Variants in IQCJ observed in about 807,000 individuals in gnomAD.
IQCJ encodes IQ domain-containing protein J.
In IQCJ, 9 loss-of-function variants were observed where a neutral mutation model predicts 11.0. The observed-to-expected ratio is 0.82, with a 90% confidence interval of 0.49 to 1.43. IQCJ has a LOEUF of 1.43. Among genes scored for constraint, IQCJ ranks in the 40% most tolerant of loss-of-function variants. The pLI, the probability that IQCJ is intolerant of heterozygous loss-of-function variation, is 0.00. For missense variants in IQCJ, 146 were observed against 133.2 expected (o/e 1.10, Z -0.47); for synonymous variants, 55 against 51.3 (o/e 1.07, Z -0.31).
intron 1 of IQCJ, among the ~76,000 whole-genome samples, chr3:159,133,625 G>A (rs879475854): frequency 3.3e-5 from 5 of 152,134 alleles, no homozygotes; most frequent in Non-Finnish European, 7.4e-5. Context: ...GGGCTTAAAC[G>A]TGTGCAGAGG....
intron 1 of IQCJ, among the ~76,000 whole-genome samples, chr3:159,077,898 C>T (rs1716038107): frequency 6.6e-6 from 1 of 151,990 alleles, no homozygotes; most frequent in Admixed American, 6.6e-5. Flanking sequence ...GTCCTTCTTG[C>T]AAATGTAATC....
chr3:159,203,611 C>A (rs1724477587), intron 1 of IQCJ, among the ~76,000 whole-genome samples: 2 of 151,974 alleles, frequency 1.3e-5, no homozygotes, highest in African/African-American at 4.8e-5. Context: ...TGGATTGTAG[C>A]TGAAAAGAGA....
At chr3:159,136,054 C>G (rs1720272048) in intron 1 of IQCJ, among the ~76,000 whole-genome samples, 1 of 152,140 alleles carries the variant, frequency 6.6e-6, no homozygotes. Flanking sequence ...AAGTAGATTG[C>G]TCAAGACAAC....
intron 1 of IQCJ, among the ~76,000 whole-genome samples, chr3:159,086,298 C>T (rs572795172): frequency 1.5e-3 from 231 of 152,224 alleles, no homozygotes; most frequent in African/African-American, 5.4e-3. Context: ...GTACCAGTAC[C>T]ATGCTGTTTT....
chr3:159,141,181 A>T (rs1720582907), intron 1 of IQCJ, among the ~76,000 whole-genome samples: 2 of 152,180 alleles, frequency 1.3e-5, no homozygotes, highest in African/African-American at 2.4e-5. Flanking sequence ...GAGTGCATTT[A>T]AAAAAGGTGA....
chr3:159,189,316 T>TGGGGAGAA (rs1361672654), intron 1 of IQCJ, among the ~76,000 whole-genome samples: 1 of 152,218 alleles, frequency 6.6e-6, no homozygotes, highest in Non-Finnish European at 1.5e-5. Context: ...CCTTTGAGGC[T>TGGGGAGAA]GGGGACAAGG....
chr3:159,239,288 A>C (rs1185743820), intron 1 of IQCJ, among the ~76,000 whole-genome samples: 1 of 152,200 alleles, frequency 6.6e-6, no homozygotes, highest in East Asian at 1.9e-4. Flanking sequence ...CTTGTTAGTC[A>C]TTGACCTTAT....
chr3:159,070,108 G>A (rs1715460833), intron 1 of IQCJ: 1 of 168,344 alleles, frequency 5.9e-6, no homozygotes, highest in Non-Finnish European at 1.3e-5. Context: ...TGAATAATAA[G>A]TAGATGGGGT....
At chr3:159,122,638 A>G (rs1291214866) in intron 1 of IQCJ, among the ~76,000 whole-genome samples, 1 of 152,054 alleles carries the variant, frequency 6.6e-6, no homozygotes, top group Admixed American at 6.6e-5. Flanking sequence ...TATGATTTTT[A>G]TCTTAAGCTG....
rs373030886 is a variant in IQCJ, at chr3:159,150,583, A to AACACACACACACACACACAC, written c.9+81156_9+81175dup. ...CAATAGCATATGTTGCATTGTCCCC[A>AACACACACACACACACACAC]ACACACACACACACACACACACACA... On this transcript the variant is annotated intron_variant, in intron 1 of 3. Transcript: ENST00000397832. Among the ~76,000 whole-genome samples the AACACACACACACACACACAC allele has an allele frequency of 1.7e-3, 246 of 146,166 alleles. 1 individual carries two copies. Among genetic ancestry groups the AACACACACACACACACACAC allele is most frequent in the African/African-American group, 6.1e-3 (238 of 39,278 alleles).
At chr3:159,109,947 C>A (rs1192889044) in intron 1 of IQCJ, among the ~76,000 whole-genome samples, 2 of 152,176 alleles carry the variant, frequency 1.3e-5, no homozygotes, top group African/African-American at 4.8e-5. Context: ...GAGCATCACT[C>A]CTAACTTTTG....
intron 1 of IQCJ, among the ~76,000 whole-genome samples, chr3:159,236,234 T>C (rs1450868907): frequency 7.2e-6 from 1 of 138,884 alleles, no homozygotes; most frequent in Non-Finnish European, 1.5e-5. Context: ...AAAACATTAA[T>C]GCATAATACA....
intron 1 of IQCJ, among the ~76,000 whole-genome samples, chr3:159,187,131 A>G (rs1268302139): frequency 6.6e-6 from 1 of 152,230 alleles, no homozygotes; most frequent in Non-Finnish European, 1.5e-5. Flanking sequence ...CATTTTCAGC[A>G]TTTATTTTAT....
chr3:159,260,723 G>A (rs751649231), intron 3 of IQCJ, among the ~76,000 whole-genome samples: 54 of 152,160 alleles, frequency 3.5e-4, no homozygotes, highest in South Asian at 1.9e-3. Context: ...GCAAGATTTC[G>A]TAATAAAACA....
intron 1 of IQCJ, among the ~76,000 whole-genome samples, chr3:159,206,692 C>T (rs1175925515): frequency 5.3e-5 from 8 of 152,126 alleles, no homozygotes; most frequent in Non-Finnish European, 5.9e-5. Flanking sequence ...TTCCCAAGAC[C>T]TAATTCTTAA....
chr3:159,084,151 G>A (rs1716530319), intron 1 of IQCJ, among the ~76,000 whole-genome samples: 1 of 151,816 alleles, frequency 6.6e-6, no homozygotes, highest in Non-Finnish European at 1.5e-5. Context: ...TATGTAAGAT[G>A]TCATCATTGG....
intron 1 of IQCJ, among the ~76,000 whole-genome samples, chr3:159,152,014 G>GC (rs1721257860): frequency 6.6e-6 from 1 of 152,140 alleles, no homozygotes; most frequent in Non-Finnish European, 1.5e-5. Context: ...ACCCTTCCCA[G>GC]CCAGATACCT....
intron 1 of IQCJ, among the ~76,000 whole-genome samples, chr3:159,139,214 A>G (rs1720465050): frequency 1.3e-5 from 2 of 152,128 alleles, no homozygotes; most frequent in Non-Finnish European, 2.9e-5. Context: ...GCATTGACAT[A>G]GTGATGAAAA....
In IQCJ at chr3:159,165,919, C is replaced by T. The variant is rs973516455; in HGVS notation, c.10-79924C>T. On this transcript the variant is annotated intron_variant, in intron 1 of 3. Transcript: ENST00000397832. ...GCTGGGATTCAGGCATGAGCCACCG[C>T]GCCCGGCCAAAGCATCTGTTTTTTT... Among the ~76,000 whole-genome samples the T allele has an allele frequency of 5.3e-5, 8 of 151,844 alleles. No homozygotes were observed. The East Asian group carries it at 5.8e-4, about 11-fold the overall frequency.
Sources: allele counts gnomAD v4.1 joint callset (sites outside exome capture counted in the v4.1 genomes callset), GRCh38; gene constraint gnomAD v4.1.1; transcripts MANE v1.5; gene names NCBI Gene and HGNC (gene_info 2026-07-23, HGNC 2026-07-21).